Variants in SHPRH observed in about 807,000 individuals in gnomAD.
SHPRH encodes SNF2 histone linker PHD RING helicase, also known as E3 ubiquitin-protein ligase SHPRH.
Under a neutral mutation model 202.5 loss-of-function variants are expected in SHPRH, and 106 were observed. The ratio of observed to expected loss-of-function variants is 0.52; its 90% CI spans 0.45 to 0.62. SHPRH has a LOEUF of 0.62. Among genes scored for constraint, SHPRH ranks in the 20% least tolerant of loss-of-function variants. The pLI, the probability that SHPRH is intolerant of heterozygous loss-of-function variation, is 0.00. For missense variants in SHPRH, 1,710 were observed against 2,020.0 expected, an observed-to-expected ratio of 0.85 and a Z score of 2.94; for synonymous variants, 729 against 686.0, an observed-to-expected ratio of 1.06 and a Z score of -0.98.
At chr6:145,920,932 T>C (rs1315923767) in intron 21 of SHPRH, among the ~76,000 whole-genome samples, 1 of 152,048 alleles carries the variant, frequency 6.6e-6, no homozygotes, top group Non-Finnish European at 1.5e-5. Flanking sequence ...AAGTTTCATA[T>C]AAGTTCCAGT....
chr6:145,957,289 C>T (rs1788601305), intron 1 of SHPRH, among the ~76,000 whole-genome samples: 1 of 151,672 alleles, frequency 6.6e-6, no homozygotes, highest in Non-Finnish European at 1.5e-5. Flanking sequence ...ATTGGATTAG[C>T]CCAAAAAAAA....
chr6:145,881,123 TTAC>T (rs1221522823), downstream of SHPRH, among the ~76,000 whole-genome samples: 1 of 152,212 alleles, frequency 6.6e-6, no homozygotes, highest in Non-Finnish European at 1.5e-5. Context: ...GTGTTTTTAC[TTAC>T]TAATGGGACA....
chr6:145,864,970 C>CAG (rs1444034858), intron 2 of SHPRH, among the ~76,000 whole-genome samples: 1 of 151,792 alleles, frequency 6.6e-6, no homozygotes, highest in African/African-American at 2.4e-5. Flanking sequence ...CACACACACA[C>CAG]ACACACACTT....
chr6:145,935,464 A>G (rs756043134), intron 11 of SHPRH, 23 bp from the exon 12 acceptor site: 44 of 1,610,436 alleles, frequency 2.7e-5, no homozygotes, highest in Middle Eastern at 1.7e-4. Flanking sequence ...AATAAAATAC[A>G]TTGAGGATAA....
At chr6:145,873,703 GGAA>G (rs1461036813) in intron 2 of SHPRH, among the ~76,000 whole-genome samples, 141 of 133,512 alleles carry the variant, frequency 1.1e-3, no homozygotes, top group African/African-American at 3.7e-3. Context: ...GAGGAAGGAA[GGAA>G]GGAAGGAAGG....
At chr6:145,900,305 G>A (rs139030972) in intron 25 of SHPRH, among the ~76,000 whole-genome samples, 7 of 152,146 alleles carry the variant, frequency 4.6e-5, no homozygotes, top group East Asian at 1.9e-4. Flanking sequence ...TATACACCAC[G>A]GAATATGTTT....
intron 14 of SHPRH, among the ~76,000 whole-genome samples, chr6:145,931,676 T>A (rs1785464069): frequency 6.6e-6 from 1 of 152,116 alleles, no homozygotes; most frequent in African/African-American, 2.4e-5. Flanking sequence ...TTTTGGATTA[T>A]TACCTCTAAC....
intron 28 of SHPRH, among the ~76,000 whole-genome samples, chr6:145,891,384 C>T (rs1781552057): frequency 6.6e-6 from 1 of 152,174 alleles, no homozygotes; most frequent in Non-Finnish European, 1.5e-5. Context: ...CTTGCTCAGA[C>T]TTTCTCAATA....
intron 28 of SHPRH, among the ~76,000 whole-genome samples, chr6:145,889,259 GA>G (rs1410281319): frequency 6.6e-6 from 1 of 152,124 alleles, no homozygotes; most frequent in African/African-American, 2.4e-5. Flanking sequence ...CCACTGGCAA[GA>G]AGTAGGTCAC....
chr6:145,858,559 A>G, the SHPRH span, among the ~76,000 whole-genome samples: 12 of 152,190 alleles, frequency 7.9e-5, no homozygotes, highest in African/African-American at 2.2e-4. Flanking sequence ...GAGGGGAATG[A>G]GTAGAGGAAA....
intron 2 of SHPRH, chr6:145,877,764 C>T (rs961808192): frequency 2.6e-5 from 4 of 152,184 alleles, no homozygotes; most frequent in Non-Finnish European, 4.4e-5. Context: ...AACTGGTTCT[C>T]CACAATCCTT....
At chr6:145,865,221 C>T (rs754659531) in intron 2 of SHPRH, among the ~76,000 whole-genome samples, 4 of 152,042 alleles carry the variant, frequency 2.6e-5, no homozygotes, top group East Asian at 1.9e-4. Context: ...AATGTTATGA[C>T]GTTTAGAGAT....
rs370921029 is a variant in SHPRH, at chr6:145,925,463, T to C, written c.3295-617A>G. Among the ~76,000 whole-genome samples the C allele has an allele frequency of 1.0e-3, 156 of 151,894 alleles. 3 individuals are homozygous for C. The South Asian group carries it at 0.031, about 30-fold the overall frequency. On this transcript the variant is annotated intron_variant, in intron 16 of 29. Transcript: ENST00000275233. ...CAAAACATCAGTCTCTACTCATGAATAGATAAAATTTTTGTTAATTAAAAT... is the reference window on the plus strand; with the variant it reads ...CAAAACATCAGTCTCTACTCATGAACAGATAAAATTTTTGTTAATTAAAAT...
rs1276852297 is a variant in SHPRH, at chr6:145,954,795, C to A, written c.528G>T (p.Leu176=). ...TTTCACCACTGAAGGATGACTCCAC[C>A]AGAATACCCTTGTCACAAATACTCA... ...EPMSICDKGI[L]VESSFSGEML... is the part of the protein sequence containing the mutation. Residue 176 remains leucine, a synonymous_variant, in exon 2 of 30, where the codon CTG becomes CTT. Coordinates refer to ENST00000275233, the MANE Select transcript of SHPRH (RefSeq NM_001042683.3). 1.2e-6 allele frequency: 2 copies of A among 1,613,838 alleles called. No individual in the cohort carries two copies. Among genetic ancestry groups the A allele is most frequent in the South Asian group, 2.2e-5 (2 of 91,062 alleles).
chr6:145,861,911 A>G (rs1779592409), downstream of SHPRH, among the ~76,000 whole-genome samples: 2 of 152,202 alleles, frequency 1.3e-5, no homozygotes, highest in South Asian at 4.1e-4. Flanking sequence ...CAGACGCAGA[A>G]AGACAAACAC....
chr6:145,945,621 T>C lies in SHPRH; in HGVS notation c.1338A>G (p.Ile446Met). The C allele has an allele frequency of 6.2e-7, 1 of 1,611,308 alleles. No homozygotes were observed. The highest frequency in any genetic ancestry group is 8.5e-7 in the Non-Finnish European group (1 of 1,179,068). ...KVQCPPTRVM[I>M]LTAVKEMNGK... ...CATTCATTTCTTTCACAGCTGTCAG[T>C]ATCATCACACGTGTAGCTAAATGTA... The change falls in exon 8 of 30, where the codon ATA becomes ATG. Residue 446 changes from isoleucine to methionine, a missense_variant. Around this residue, in one of 8 missense-constraint regions of SHPRH, gnomAD observed 348 missense variants for 356.9 expected, o/e 0.97. Transcript: ENST00000275233.
rs1190573349 is a variant in SHPRH, at chr6:145,888,102, TA to T, written c.4875-3del. On this transcript the variant is annotated splice_polypyrimidine_tract_variant and splice_region_variant and intron_variant, in intron 28 of 29. Coordinates refer to ENST00000275233, the MANE Select transcript of SHPRH (RefSeq NM_001042683.3). ...AAGAATCTGTGTACAATAGTAGGTC[TA>T]AAAGGTACAGAAGAATTTTAAGCTT... 1 of 1,599,064 alleles carries T rather than the reference TA, an allele frequency of 6.3e-7. No individual in the cohort carries two copies. Among genetic ancestry groups the T allele is most frequent in the Non-Finnish European group, 8.6e-7 (1 of 1,168,092 alleles).
chr6:145,928,851 GAGA>G (rs10563824), intron 14 of SHPRH, among the ~76,000 whole-genome samples: 6,023 of 150,830 alleles, frequency 0.04, 385 homozygotes, highest in African/African-American at 0.14. Context: ...TTAAATAAGG[GAGA>G]AGATTATTTT....
At chr6:145,882,044 G>A (rs1356386339), downstream of SHPRH, among the ~76,000 whole-genome samples, 3 of 151,354 alleles carry the variant, frequency 2.0e-5, no homozygotes, top group Non-Finnish European at 2.9e-5. Flanking sequence ...TGCAGTGAGC[G>A]GTCATGGCAC....
Sources: gnomAD v4.1 joint callset for allele counts (sites outside exome capture counted in the v4.1 genomes callset) on GRCh38, gnomAD v4.1.1 for gene constraint, gnomAD v4.1.1 regional missense constraint, MANE v1.5 for transcripts, NCBI Gene and HGNC (gene_info 2026-07-23, HGNC 2026-07-21) for gene names.